The following NEIL3 variants were observed in gnomAD, a reference collection of about 807,000 sequenced individuals.
The protein encoded by NEIL3 is nei like DNA glycosylase 3, also known as endonuclease 8-like 3.
In NEIL3, 48 loss-of-function variants were observed where a neutral mutation model predicts 57.5. The ratio of observed to expected loss-of-function variants is 0.83; its 90% confidence interval spans 0.66 to 1.06. The LOEUF is 1.06. Among genes scored for constraint, NEIL3 ranks in the 50% least tolerant of loss-of-function variants. The pLI is 0.00. For missense variants in NEIL3, 717 were observed against 739.1 expected, an observed-to-expected ratio of 0.97 and a Z score of 0.35; for synonymous variants, 261 against 253.2, an observed-to-expected ratio of 1.03 and a Z score of -0.29.
chr4:177,347,076 GA>G (rs1735237601), intron 6 of NEIL3, among the ~76,000 whole-genome samples: 1 of 152,112 alleles, frequency 6.6e-6, no homozygotes, highest in Admixed American at 6.5e-5. Context: ...GATAAGTGGT[GA>G]TTAGTGTTCT....
chr4:177,336,013 A>T, intron 3 of NEIL3, 95 bp from the exon 4 acceptor site: 1 of 1,108,192 alleles, frequency 9.0e-7, no homozygotes, highest in Non-Finnish European at 1.3e-6. Flanking sequence ...TACCCTGATT[A>T]ACATAAAGTG....
At chr4:177,357,630 C>T (rs776110144) in intron 8 of NEIL3, among the ~76,000 whole-genome samples, 3 of 152,100 alleles carry the variant, frequency 2.0e-5, no homozygotes, top group East Asian at 3.8e-4. Context: ...TATTATGCCT[C>T]GGGCATTGTT....
At chr4:177,355,102 C>G (rs938748000) in intron 8 of NEIL3, among the ~76,000 whole-genome samples, 1 of 152,204 alleles carries the variant, frequency 6.6e-6, no homozygotes, top group Non-Finnish European at 1.5e-5. Flanking sequence ...ATCTCCAACA[C>G]AGGACACATT....
chr4:177,323,664 T>A (rs1028628890), intron 2 of NEIL3, among the ~76,000 whole-genome samples: 3 of 152,198 alleles, frequency 2.0e-5, no homozygotes, highest in Non-Finnish European at 4.4e-5. Flanking sequence ...TGTAGTAGAC[T>A]GATGTGATGG....
chr4:177,331,590 C>G (rs570640370), intron 2 of NEIL3, among the ~76,000 whole-genome samples: 1 of 152,032 alleles, frequency 6.6e-6, no homozygotes, highest in Non-Finnish European at 1.5e-5. Context: ...TGCTTTATCT[C>G]TTGATATATT....
intron 4 of NEIL3, among the ~76,000 whole-genome samples, chr4:177,338,024 TCACACACA>T (rs35763650): frequency 7.4e-5 from 11 of 149,368 alleles, no homozygotes; most frequent in Non-Finnish European, 1.3e-4. Context: ...TCTCTCTCTC[TCACACACA>T]CACACACACA....
chr4:177,347,220 T>C (rs1735241835), intron 6 of NEIL3, among the ~76,000 whole-genome samples: 1 of 151,950 alleles, frequency 6.6e-6, no homozygotes, highest in African/African-American at 2.4e-5. Context: ...GGGGAAATAT[T>C]TCAAAGAAGG....
rs1360712382 is a variant in NEIL3, at chr4:177,353,295, T to C, written c.1040-13T>C. The stretch of plus-strand genomic sequence containing the variant: ...TATGGGACTATTGCAGAATTACTTC[T>C]CTCTCCTTCCAGATTCAGTGCTCAA... On this transcript the variant is annotated splice_polypyrimidine_tract_variant and intron_variant, in intron 7 of 9. Coordinates refer to ENST00000264596, the MANE Select transcript of NEIL3 (RefSeq NM_018248.3). The C allele has an allele frequency of 6.3e-7, 1 of 1,595,570 alleles. No homozygotes were observed. Among genetic ancestry groups the C allele is most frequent in the Non-Finnish European group, 8.5e-7 (1 of 1,173,116 alleles).
At chr4:177,357,298 G>C (rs1422401422) in intron 8 of NEIL3, among the ~76,000 whole-genome samples, 2 of 152,146 alleles carry the variant, frequency 1.3e-5, no homozygotes, top group Non-Finnish European at 2.9e-5. Flanking sequence ...AGGCTTGTGG[G>C]CTGGACGGCT....
chr4:177,353,214 G>T (rs1735396080), intron 7 of NEIL3, 94 bp from the exon 8 acceptor site: 2 of 1,080,298 alleles, frequency 1.9e-6, no homozygotes, highest in Non-Finnish European at 2.7e-6. Flanking sequence ...GTAATAAAGT[G>T]AAGTAAATTT....
At position 177,362,479 on chromosome 4, in the gene NEIL3, A is replaced by G. The variant is rs776666145; in HGVS notation, c.*8A>G. On this transcript the variant is annotated 3_prime_UTR_variant, in exon 10 of 10. Coordinates refer to ENST00000264596, the MANE Select transcript of NEIL3 (RefSeq NM_018248.3). Reference sequence around the variant, plus strand: ...ATTATTCCTGGATGCTAATATCTGTAGATTCTCTGGCATTTAGTCTCTTCA... The same window carrying G: ...ATTATTCCTGGATGCTAATATCTGTGGATTCTCTGGCATTTAGTCTCTTCA... The G allele has an allele frequency of 6.2e-6, 10 of 1,601,578 alleles. No individual in the cohort carries two copies. Among genetic ancestry groups the G allele is most frequent in the Middle Eastern group, 1.7e-4 (1 of 6,000 alleles).
intron 2 of NEIL3, among the ~76,000 whole-genome samples, chr4:177,327,493 T>C (rs1734804791): frequency 6.6e-6 from 1 of 152,234 alleles, no homozygotes; most frequent in Admixed American, 6.5e-5. Context: ...GGTGTACATG[T>C]GCCATGGTGG....
chr4:177,330,203 C>T (rs941530804), intron 2 of NEIL3, among the ~76,000 whole-genome samples: 7 of 152,138 alleles, frequency 4.6e-5, no homozygotes, highest in Admixed American at 2.0e-4. Flanking sequence ...TGAGCCACTG[C>T]GCCCAGCTGA....
chr4:177,314,386 A>G (rs897434765), intron 1 of NEIL3, among the ~76,000 whole-genome samples: 1 of 152,102 alleles, frequency 6.6e-6, no homozygotes, highest in African/African-American at 2.4e-5. Context: ...TTGAATTCCC[A>G]TTTTTTTGTT....
At chr4:177,339,888 TGTAAA>T in intron 5 of NEIL3, 31 bp downstream of exon 5, 4 of 1,460,414 alleles carry the variant, frequency 2.7e-6, no homozygotes, top group Non-Finnish European at 3.8e-6. Flanking sequence ...CTGTGTAAAA[TGTAAA>T]ATGTCAGTGG....
At chr4:177,354,525 A>G (rs1735434001) in intron 8 of NEIL3, among the ~76,000 whole-genome samples, 1 of 152,140 alleles carries the variant, frequency 6.6e-6, no homozygotes, top group African/African-American at 2.4e-5. Flanking sequence ...GATCTCAAAC[A>G]GTCATGCGAG....
rs770884144 is a variant in NEIL3 at position 177,353,360 on chromosome 4, G to A, written c.1092G>A (p.Lys364=). 3.7e-5 allele frequency: 59 copies of A among 1,613,622 alleles called. No individual in the cohort carries two copies. The highest frequency in any genetic ancestry group is 4.7e-5 in the Non-Finnish European group (56 of 1,179,878). The stretch of plus-strand genomic sequence containing the variant: ...CTACTGTCTTTAGCCACTTAATGAA[G>A]TACCCGTGTAATACTTTTGGAAAAC... ...ENSTVFSHLM[K]YPCNTFGKPH... is the part of the protein sequence containing the mutation. The change falls in exon 8 of 10, where the codon AAG becomes AAA. Residue 364 remains lysine (K), a synonymous_variant. Transcript: ENST00000264596.
At chr4:177,314,670 A>G (rs1226230837) in intron 1 of NEIL3, among the ~76,000 whole-genome samples, 2 of 152,150 alleles carry the variant, frequency 1.3e-5, no homozygotes, top group Non-Finnish European at 2.9e-5. Context: ...AGAAAATTGT[A>G]GAATATGTTT....
chr4:177,331,988 A>G (rs561817525), intron 2 of NEIL3, among the ~76,000 whole-genome samples: 9 of 152,284 alleles, frequency 5.9e-5, no homozygotes, highest in African/African-American at 2.2e-4. Context: ...TGTCACAGAG[A>G]AAGTCTCTCC....
Sources: allele counts gnomAD v4.1 joint callset (sites outside exome capture counted in the v4.1 genomes callset), GRCh38; gene constraint gnomAD v4.1.1; transcripts MANE v1.5; gene names NCBI Gene and HGNC (gene_info 2026-07-23, HGNC 2026-07-21).